Variants in PWWP2A observed in about 807,000 individuals in gnomAD.
PWWP2A encodes PWWP domain containing 2A.
Under a neutral mutation model 48.5 loss-of-function variants are expected in PWWP2A, and 18 were observed. The ratio of observed to expected loss-of-function variants is 0.37; its 90% CI spans 0.26 to 0.55. PWWP2A has a LOEUF of 0.55. PWWP2A is among the 20% of genes least tolerant of loss of function. The probability of loss-of-function intolerance (pLI) is 0.81; values close to 1 mark genes in which losing one functional copy is unlikely to be tolerated. For missense variants in PWWP2A, 867 were observed against 976.4 expected (o/e 0.89, Z 1.49); for synonymous variants, 396 against 387.7 (o/e 1.02, Z -0.25).
Position 160,078,062 on chromosome 5 carries a change from T to C in PWWP2A, c.*93A>G, listed in dbSNP as rs1038877131. ...AACCACTGCCTTAACATTTACTTCT[T>C]AGTGCAGCTTTAAAAACTCCAATTT... On this transcript the variant is annotated 3_prime_UTR_variant, in exon 4 of 4. Coordinates refer to the PWWP2A transcript ENST00000456329. This position sits in a 1 kb window ranked among gnomAD's most constrained non-coding sequence, Gnocchi z 4.2. 1.6e-5 allele frequency: 17 copies of C among 1,084,148 alleles called. No homozygotes were observed. The Admixed American group carries it at 2.9e-4, about 18-fold the overall frequency. The allele number at this position is 1,084,148 out of a possible 1,614,324, so 67.2% of individuals were successfully genotyped here.
intron 4 of PWWP2A, chr5:160,065,240 C>T (rs766315451): frequency 7.6e-6 from 7 of 917,870 alleles, no homozygotes; most frequent in Admixed American, 2.0e-5. Context: ...AAATGTACTT[C>T]CTGATGTAAT....
At chr5:160,074,700 C>T (rs1488953919), downstream of PWWP2A, among the ~76,000 whole-genome samples, 3 of 151,094 alleles carry the variant, frequency 2.0e-5, no homozygotes, top group South Asian at 4.2e-4. Context: ...GAGCCAAGAT[C>T]GTGCCATTGC....
the PWWP2A span, among the ~76,000 whole-genome samples, chr5:160,045,003 A>G: frequency 3.3e-5 from 5 of 152,204 alleles, no homozygotes; most frequent in Non-Finnish European, 5.9e-5. Flanking sequence ...TGTGTTACCA[A>G]GTTGGACTGG....
chr5:160,100,709 G>A (rs549524651), intron 1 of PWWP2A, among the ~76,000 whole-genome samples: 1 of 152,206 alleles, frequency 6.6e-6, no homozygotes, highest in East Asian at 1.9e-4. Context: ...CTAAATCACG[G>A]AAGAGGTAAA....
chr5:160,064,988 A>G (rs1352331159), intron 4 of PWWP2A: 1 of 1,614,060 alleles, frequency 6.2e-7, no homozygotes, highest in Non-Finnish European at 8.5e-7. Context: ...CTCCACGGAA[A>G]ATTTCCAGAT....
chr5:160,115,457 C>T (rs372070838), intron 1 of PWWP2A, among the ~76,000 whole-genome samples: 7 of 151,842 alleles, frequency 4.6e-5, no homozygotes, highest in South Asian at 2.1e-4. Flanking sequence ...TTTGAGACGC[C>T]GAGGTAGGCA....
At chr5:160,072,413 G>A (rs1581143439), downstream of PWWP2A, among the ~76,000 whole-genome samples, 1 of 152,122 alleles carries the variant, frequency 6.6e-6, no homozygotes, top group South Asian at 2.1e-4. Context: ...GCATGAGAAT[G>A]ACTGCTTACA....
chr5:160,113,317 A>G, intron 1 of PWWP2A: 1 of 983,152 alleles, frequency 1.0e-6, no homozygotes, highest in Non-Finnish European at 1.2e-6. Flanking sequence ...AACCAAATAA[A>G]TCTGAAAATA....
At chr5:160,075,805 T>TAAAA (rs58558222), downstream of PWWP2A, 91 of 69,826 alleles carry the variant, frequency 1.3e-3, no homozygotes, top group African/African-American at 4.7e-3. Flanking sequence ...ATTCTAATAG[T>TAAAA]AAAAAAAAAA....
In PWWP2A at chr5:160,093,308, T is replaced by C. The variant is rs543966066; in HGVS notation, c.1342A>G (p.Thr448Ala). The change falls in exon 2 of 2, where the codon ACT becomes GCT. Residue 448 changes from threonine (T) to alanine (A), a missense_variant. By Grantham distance (58) the Thr-to-Ala change is moderately conservative. This residue lies in a region of PWWP2A where 382 missense variants were observed against 407.2 expected (regional missense o/e 0.94). Transcript: ENST00000307063. The surrounding 1 kb of genome is among the most constrained non-coding windows in gnomAD (Gnocchi z 5.8). ...ACTTTTGAATGTGCATTTTTGGAAG[T>C]AGAGGTTTCATTTTGCTTCTTTTGT... Reference protein sequence around the residue: ...KAQKKQNETSTSKNAHSKVHF... With the variant: ...KAQKKQNETSASKNAHSKVHF... 20 of 1,613,970 alleles carry C rather than the reference T, an allele frequency of 1.2e-5. No individual in the cohort carries two copies. The highest frequency in any genetic ancestry group is 3.3e-4 in the Middle Eastern group (2 of 6,062).
chr5:160,052,798 C>G, the PWWP2A span, among the ~76,000 whole-genome samples: 1 of 152,104 alleles, frequency 6.6e-6, no homozygotes, highest in Non-Finnish European at 1.5e-5. Context: ...TTTTCTGTCT[C>G]CAAGGCTTTG....
downstream of PWWP2A, among the ~76,000 whole-genome samples, chr5:160,073,468 C>A (rs1417122792): frequency 2.6e-5 from 4 of 151,980 alleles, no homozygotes; most frequent in Non-Finnish European, 5.9e-5. Flanking sequence ...ACCTCATGAT[C>A]CACCCTCCTC....
chr5:160,110,433 G>A (rs938933614), intron 1 of PWWP2A, among the ~76,000 whole-genome samples: 3 of 152,166 alleles, frequency 2.0e-5, no homozygotes, highest in Non-Finnish European at 4.4e-5. Flanking sequence ...CTGGCCGGAC[G>A]TGGTGGCTCA....
chr5:160,099,148 G>A (rs1268020623), intron 1 of PWWP2A, among the ~76,000 whole-genome samples: 2 of 152,158 alleles, frequency 1.3e-5, no homozygotes, highest in East Asian at 1.9e-4. Context: ...AGACATTTAC[G>A]TCTCATGTGA....
At chr5:160,058,555 T>G, downstream of PWWP2A, among the ~76,000 whole-genome samples, 1 of 151,812 alleles carries the variant, frequency 6.6e-6, no homozygotes, top group Non-Finnish European at 1.5e-5. Flanking sequence ...GGACTACAGG[T>G]GCCCACCACC....
intron 1 of PWWP2A, among the ~76,000 whole-genome samples, chr5:160,104,120 C>A (rs1249791709): frequency 6.5e-5 from 1 of 15,404 alleles, no homozygotes; most frequent in African/African-American, 2.9e-4. Flanking sequence ...GAGACTCTGT[C>A]TCAAAAAAAA....
the PWWP2A span, among the ~76,000 whole-genome samples, chr5:160,056,773 G>A: frequency 6.6e-6 from 1 of 152,092 alleles, no homozygotes; most frequent in Non-Finnish European, 1.5e-5. Context: ...ATATTAAAGA[G>A]CTATATATGG....
chr5:160,106,102 G>T (rs1217744466), intron 1 of PWWP2A, among the ~76,000 whole-genome samples: 2 of 152,192 alleles, frequency 1.3e-5, no homozygotes, highest in Non-Finnish European at 2.9e-5. Context: ...GCCTGGTTGA[G>T]TGAGGAACAG....
chr5:160,088,386 C>A (rs1754809702), downstream of PWWP2A, among the ~76,000 whole-genome samples: 1 of 152,110 alleles, frequency 6.6e-6, no homozygotes, highest in South Asian at 2.1e-4. Flanking sequence ...GCGTATGCCA[C>A]CATGCGCAGC....
Sources: gnomAD v4.1 joint callset for allele counts (sites outside exome capture counted in the v4.1 genomes callset) on GRCh38, gnomAD v4.1.1 for gene constraint, gnomAD v4.1.1 regional missense constraint, Gnocchi (gnomAD v3.1) non-coding constraint, MANE v1.5 for transcripts, NCBI Gene and HGNC (gene_info 2026-07-23, HGNC 2026-07-21) for gene names.